Variants in WWOX observed in about 807,000 individuals in gnomAD.
The protein encoded by WWOX is WW domain containing oxidoreductase.
WWOX carries 69 observed loss-of-function variants against 46.2 expected under a neutral mutation model. That is an observed-to-expected ratio of 1.49 (90% CI 1.23 to 1.82). The LOEUF is 1.82. WWOX is among the 40% of genes most tolerant of loss of function. WWOX has a pLI of 0.00. For synonymous variants in WWOX, 359 were observed against 202.6 expected (o/e 1.77, Z -6.56); for missense variants, 919 against 542.6 (o/e 1.69, Z -6.89).
At chr16:78,257,469 G>C (rs1456334718) in intron 5 of WWOX, among the ~76,000 whole-genome samples, 8 of 152,170 alleles carry the variant, frequency 5.3e-5, no homozygotes, top group African/African-American at 1.9e-4. Context: ...GCTGGGGATT[G>C]AGTGACACAA....
intron 8 of WWOX, among the ~76,000 whole-genome samples, chr16:79,159,202 A>C (rs2150746616): frequency 6.6e-6 from 1 of 152,354 alleles, no homozygotes; most frequent in Admixed American, 6.5e-5. Flanking sequence ...TCACTGTAGT[A>C]ATAGACTAAT....
At chr16:78,915,116 C>T (rs1047128668) in intron 8 of WWOX, among the ~76,000 whole-genome samples, 11 of 152,134 alleles carry the variant, frequency 7.2e-5, no homozygotes, top group African/African-American at 2.7e-4. Flanking sequence ...GATCAAGTGG[C>T]AGCTTGGACT....
intron 8 of WWOX, among the ~76,000 whole-genome samples, chr16:78,826,304 C>A (rs113675484): frequency 0.016 from 2,448 of 152,316 alleles, 63 homozygotes; most frequent in East Asian, 0.054. Context: ...CAAGATCGTG[C>A]CATTGCACTC....
intron 8 of WWOX, among the ~76,000 whole-genome samples, chr16:79,155,798 T>C (rs886186841): frequency 1.3e-5 from 2 of 152,144 alleles, no homozygotes; most frequent in Admixed American, 6.5e-5. Flanking sequence ...AGTTTTTTTT[T>C]CCCTTGTCTT....
intron 8 of WWOX, among the ~76,000 whole-genome samples, chr16:78,490,839 C>T (rs916944134): frequency 2.6e-5 from 4 of 152,172 alleles, no homozygotes; most frequent in Admixed American, 6.5e-5. Context: ...GAAATGGCTC[C>T]GAGAAGCTCA....
chr16:78,685,064 C>T (rs891650503), intron 8 of WWOX, among the ~76,000 whole-genome samples: 31 of 152,152 alleles, frequency 2.0e-4, no homozygotes, highest in African/African-American at 7.5e-4. Context: ...TTCACTGTAA[C>T]ATCGTCCACC....
At chr16:78,159,699 A>G (rs867870958) in intron 4 of WWOX, among the ~76,000 whole-genome samples, 6 of 45,894 alleles carry the variant, frequency 1.3e-4, no homozygotes, top group Admixed American at 2.2e-4. Flanking sequence ...TTTTTTTGCT[A>G]TTGGGTTTTA....
In WWOX at chr16:79,101,482, A is replaced by C. The variant is rs906459558; in HGVS notation, c.1057-110126A>C. 4.6e-5 allele frequency: 7 copies of C among 152,176 alleles called. No homozygotes were observed. In the East Asian group the frequency reaches 1.3e-3, roughly 29 times the overall value. The allele number at this position is 152,176 out of a possible 1,614,324, so 9.4% of individuals were successfully genotyped here. On this transcript the variant is annotated intron_variant, in intron 8 of 8. Transcript: ENST00000566780. ...AGATCATTTGGGAGAGATTCTTTCA[A>C]AAATGCCTACTCCCTATTCCCATAT... is the stretch of plus-strand genomic sequence containing the variant.
At chr16:78,902,413 T>C (rs1014405967) in intron 8 of WWOX, among the ~76,000 whole-genome samples, 3 of 152,226 alleles carry the variant, frequency 2.0e-5, no homozygotes, top group African/African-American at 7.2e-5. Context: ...TTTTCTCTTG[T>C]ATCCAGCAGC....
intron 8 of WWOX, among the ~76,000 whole-genome samples, chr16:78,864,026 T>A (rs1347788092): frequency 6.6e-6 from 1 of 152,188 alleles, no homozygotes; most frequent in African/African-American, 2.4e-5. Flanking sequence ...GTTTTTACCC[T>A]TTGACTATTG....
chr16:78,231,339 C>T (rs1042861788), intron 5 of WWOX, among the ~76,000 whole-genome samples: 1 of 152,200 alleles, frequency 6.6e-6, no homozygotes, highest in African/African-American at 2.4e-5. Flanking sequence ...CTATGCATTG[C>T]ACATTTGCCA....
intron 8 of WWOX, among the ~76,000 whole-genome samples, chr16:78,739,793 A>C (rs1290193040): frequency 6.6e-6 from 1 of 152,196 alleles, no homozygotes; most frequent in South Asian, 2.1e-4. Context: ...CCTGGGCAAC[A>C]GGGAGAGATT....
At chr16:78,799,065 C>G (rs952853020) in intron 8 of WWOX, among the ~76,000 whole-genome samples, 1 of 152,198 alleles carries the variant, frequency 6.6e-6, no homozygotes, top group African/African-American at 2.4e-5. Flanking sequence ...TATACCTTGT[C>G]AATCCATTTT....
chr16:78,825,380 T>A (rs55694057), intron 8 of WWOX: 40,436 of 263,368 alleles, frequency 0.15, 3,337 homozygotes, highest in Admixed American at 0.23. Flanking sequence ...TAAAGACGCT[T>A]CTCTGAAGCT....
chr16:79,092,905 C>T (rs144406416), intron 8 of WWOX, among the ~76,000 whole-genome samples: 38 of 152,298 alleles, frequency 2.5e-4, no homozygotes, highest in African/African-American at 9.1e-4. Flanking sequence ...AGATAAGGCC[C>T]ATTTTCATGG....
chr16:78,280,723 C>T (rs1264494243), intron 5 of WWOX: 1 of 152,194 alleles, frequency 6.6e-6, no homozygotes, highest in Non-Finnish European at 1.5e-5. Context: ...AAGCGCAGCT[C>T]ACTGCCAGCG....
chr16:78,680,940 C>G (rs1000915963), intron 8 of WWOX, among the ~76,000 whole-genome samples: 1 of 152,002 alleles, frequency 6.6e-6, no homozygotes, highest in Non-Finnish European at 1.5e-5. Context: ...GTGAGACCCT[C>G]TGTCTACAAA....
chr16:79,080,457 T>A (rs1597355992), intron 8 of WWOX, among the ~76,000 whole-genome samples: 1 of 152,150 alleles, frequency 6.6e-6, no homozygotes, highest in Non-Finnish European at 1.5e-5. Context: ...GGAGATAGAA[T>A]TCAATTCTTC....
chr16:78,579,972 A>G (rs2151587032), intron 8 of WWOX, among the ~76,000 whole-genome samples: 1 of 152,272 alleles, frequency 6.6e-6, no homozygotes, highest in East Asian at 1.9e-4. Context: ...CTTCTGAGTC[A>G]TGCCAGCGTT....
Sources: gnomAD v4.1 joint callset for allele counts (sites outside exome capture counted in the v4.1 genomes callset) on GRCh38, gnomAD v4.1.1 for gene constraint, MANE v1.5 for transcripts, NCBI Gene and HGNC (gene_info 2026-07-23, HGNC 2026-07-21) for gene names.